The following KCTD16 variants were observed in gnomAD, a reference collection of about 807,000 sequenced individuals.
KCTD16 encodes the protein BTB/POZ domain-containing protein KCTD16.
In KCTD16, 13 loss-of-function variants were observed where a neutral mutation model predicts 33.2. That is an observed-to-expected ratio of 0.39 (90% CI 0.25 to 0.62). The LOEUF (loss-of-function observed/expected upper bound fraction) is 0.62. Among genes scored for constraint, KCTD16 ranks in the 20% least tolerant of loss-of-function variants. KCTD16 has a pLI of 0.50. For synonymous variants in KCTD16, 197 were observed against 195.3 expected (o/e 1.01, Z -0.07); for missense variants, 441 against 525.1 (o/e 0.84, Z 1.57).
chr5:144,279,785 A>G (rs1029217283), intron 3 of KCTD16, among the ~76,000 whole-genome samples: 1 of 152,224 alleles, frequency 6.6e-6, no homozygotes, highest in African/African-American at 2.4e-5. Context: ...ACATTATTGC[A>G]TTTGGGATAA....
chr5:144,272,969 A>G (rs1388183569), intron 3 of KCTD16, among the ~76,000 whole-genome samples: 1 of 152,212 alleles, frequency 6.6e-6, no homozygotes, highest in Non-Finnish European at 1.5e-5. Context: ...CAAAATAAAA[A>G]AATATATACT....
At chr5:144,263,639 G>A (rs972843872) in intron 3 of KCTD16, among the ~76,000 whole-genome samples, 1 of 152,160 alleles carries the variant, frequency 6.6e-6, no homozygotes, top group South Asian at 2.1e-4. Flanking sequence ...AATGATAAAT[G>A]TATACAGATT....
chr5:144,328,863 CTT>C (rs529931780), intron 3 of KCTD16, among the ~76,000 whole-genome samples: 5 of 144,066 alleles, frequency 3.5e-5, no homozygotes, highest in Admixed American at 6.9e-5. Flanking sequence ...TAGCTTTTTT[CTT>C]TTTTTTTTTT....
At chr5:144,346,186 T>A (rs1255082982) in intron 3 of KCTD16, among the ~76,000 whole-genome samples, 1 of 152,170 alleles carries the variant, frequency 6.6e-6, no homozygotes, top group African/African-American at 2.4e-5. Context: ...AATGACTAGA[T>A]CTCCTTCTTT....
intron 3 of KCTD16, among the ~76,000 whole-genome samples, chr5:144,322,603 G>A (rs1752102581): frequency 6.6e-6 from 1 of 151,930 alleles, no homozygotes; most frequent in African/African-American, 2.4e-5. Flanking sequence ...ATCTAGCCAT[G>A]CCTGACATCA....
intron 3 of KCTD16, among the ~76,000 whole-genome samples, chr5:144,376,803 T>C (rs1239011614): frequency 6.6e-6 from 1 of 152,224 alleles, no homozygotes; most frequent in Non-Finnish European, 1.5e-5. Flanking sequence ...GATGGTAGGA[T>C]ATTGAAAGTT....
chr5:144,473,557 G>A (rs1754525917), intron 3 of KCTD16, 103 bp from the exon 4 acceptor site: 4 of 1,165,032 alleles, frequency 3.4e-6, no homozygotes, highest in Middle Eastern at 2.9e-4. Context: ...ATGGTTCTGC[G>A]ATGCTTCTCT....
rs1454000156 is a variant in KCTD16 at position 144,476,958 on chromosome 5, G to A, written c.*2844G>A. ...ATAAATTGCTAATATAAAGAAGTTA[G>A]TAGTATTGAGTGGATACAATGAATG... On this transcript the variant is annotated 3_prime_UTR_variant, in exon 4 of 4. Transcript: ENST00000512467. The A allele has an allele frequency of 6.6e-6, 1 of 152,160 alleles. No homozygotes were observed. The highest frequency in any genetic ancestry group is 1.9e-4 in the East Asian group (1 of 5,196). 9.4% of individuals were successfully genotyped at this position (152,160 alleles called of 1,614,324 possible).
intron 3 of KCTD16, among the ~76,000 whole-genome samples, chr5:144,293,745 A>G (rs887047038): frequency 1.3e-5 from 2 of 152,250 alleles, no homozygotes; most frequent in South Asian, 2.1e-4. Context: ...ATTTCATTTT[A>G]TTAGTCAGTT....
chr5:144,228,568 A>G (rs1754002095), intron 3 of KCTD16, among the ~76,000 whole-genome samples: 1 of 152,206 alleles, frequency 6.6e-6, no homozygotes, highest in African/African-American at 2.4e-5. Context: ...TGAAATATAG[A>G]AATTAGGTGG....
intron 3 of KCTD16, among the ~76,000 whole-genome samples, chr5:144,335,194 C>G (rs1752456472): frequency 6.6e-6 from 1 of 152,180 alleles, no homozygotes; most frequent in Non-Finnish European, 1.5e-5. Context: ...ACTCCCATGA[C>G]ATAGCATCAT....
chr5:144,453,623 G>A (rs982665890), intron 3 of KCTD16, among the ~76,000 whole-genome samples: 10 of 151,840 alleles, frequency 6.6e-5, no homozygotes, highest in Admixed American at 3.9e-4. Flanking sequence ...TATTTTACAC[G>A]ATAAAAAATA....
In KCTD16 at chr5:144,229,116, G is replaced by T. The variant is rs530468352; in HGVS notation, c.832+21570G>T. ...TATTTTTCTCCAGCTATGTCCAGTT[G>T]CATGGGGGCAGGTGGAAGTAAGCCC... is the stretch of plus-strand genomic sequence containing the variant. On this transcript the variant is annotated intron_variant, in intron 3 of 3. Coordinates refer to ENST00000512467, the MANE Select transcript of KCTD16 (RefSeq NM_020768.4). 2.6e-5 allele frequency among the ~76,000 whole-genome samples: 4 copies of T among 152,300 alleles called. No homozygotes were observed. The East Asian group carries it at 5.8e-4, about 22-fold the overall frequency.
At chr5:144,409,803 C>A (rs1752892115) in intron 3 of KCTD16, among the ~76,000 whole-genome samples, 1 of 151,856 alleles carries the variant, frequency 6.6e-6, no homozygotes, top group Admixed American at 6.6e-5. Flanking sequence ...GGCAACGAGA[C>A]CGAAACTCTG....
intron 3 of KCTD16, among the ~76,000 whole-genome samples, chr5:144,431,917 C>T (rs1042227370): frequency 1.3e-5 from 2 of 152,046 alleles, no homozygotes; most frequent in Non-Finnish European, 2.9e-5. Context: ...TAACACCAAA[C>T]CATGTGTCTT....
At chr5:144,418,198 A>T (rs533880523) in intron 3 of KCTD16, among the ~76,000 whole-genome samples, 1 of 152,288 alleles carries the variant, frequency 6.6e-6, no homozygotes, top group Admixed American at 6.5e-5. Context: ...GGTAGTGCAG[A>T]CCCAAAGCAT....
intron 3 of KCTD16, among the ~76,000 whole-genome samples, chr5:144,414,358 C>T (rs1219134540): frequency 6.6e-6 from 1 of 152,152 alleles, no homozygotes; most frequent in Non-Finnish European, 1.5e-5. Flanking sequence ...CATTTTTATC[C>T]TTCAGAGTGC....
At chr5:144,216,548 G>A (rs1043750694) in intron 3 of KCTD16, among the ~76,000 whole-genome samples, 1 of 152,080 alleles carries the variant, frequency 6.6e-6, no homozygotes, top group African/African-American at 2.4e-5. Context: ...TGGTGGCAAA[G>A]TTAAGAGACT....
chr5:144,308,540 T>C (rs1169041639), intron 3 of KCTD16, among the ~76,000 whole-genome samples: 1 of 152,208 alleles, frequency 6.6e-6, no homozygotes, highest in African/African-American at 2.4e-5. Context: ...GAAACTCAAG[T>C]TCCATTTTAT....
Sources: allele counts gnomAD v4.1 joint callset (sites outside exome capture counted in the v4.1 genomes callset), GRCh38; gene constraint gnomAD v4.1.1; transcripts MANE v1.5; gene names NCBI Gene and HGNC (gene_info 2026-07-23, HGNC 2026-07-21).